EIF4G3: variants seen among roughly 807,000 people sequenced by gnomAD.
EIF4G3 encodes the protein eukaryotic translation initiation factor 4 gamma 3.
In EIF4G3, 34 loss-of-function variants were observed where a neutral mutation model predicts 186.4. That is an observed-to-expected ratio of 0.18 (90% CI 0.14 to 0.24). EIF4G3 has a LOEUF of 0.24. EIF4G3 is among the 10% of genes least tolerant of loss of function. The pLI is 1.00. For synonymous variants in EIF4G3, 673 were observed against 679.5 expected (o/e 0.99, Z 0.15); for missense variants, 1,536 against 1,948.5 (o/e 0.79, Z 3.99).
At chr1:20,942,407 TG>T in intron 13 of EIF4G3, 77 bp from the exon 14 acceptor site, 1 of 1,398,618 alleles carries the variant, frequency 7.1e-7, no homozygotes, top group Non-Finnish European at 9.6e-7. Context: ...ATTCTTTCAA[TG>T]TCTTACCCTA....
intron 2 of EIF4G3, among the ~76,000 whole-genome samples, chr1:21,154,166 C>T (rs1388318610): frequency 2.0e-5 from 3 of 152,124 alleles, no homozygotes; most frequent in Admixed American, 1.3e-4. Flanking sequence ...AATAAGATAA[C>T]GGAACATTCA....
chr1:20,906,393 TA>T (rs1389325340), intron 14 of EIF4G3, among the ~76,000 whole-genome samples: 14 of 152,220 alleles, frequency 9.2e-5, no homozygotes. Flanking sequence ...TGAATCTTTT[TA>T]GGAGTTATAG....
intron 2 of EIF4G3, among the ~76,000 whole-genome samples, chr1:21,162,776 C>T (rs2097787757): frequency 6.6e-6 from 1 of 152,082 alleles, no homozygotes; most frequent in Admixed American, 6.6e-5. Context: ...TAAAAAGATT[C>T]CTAATTGTCT....
intron 2 of EIF4G3, among the ~76,000 whole-genome samples, chr1:21,165,246 G>A (rs1190102047): frequency 6.6e-6 from 1 of 152,194 alleles, no homozygotes; most frequent in African/African-American, 2.4e-5. Context: ...ATAAAATGGT[G>A]TAACCACTTT....
At chr1:20,892,987 A>C (rs950548168) in intron 18 of EIF4G3, 1 of 393,884 alleles carries the variant, frequency 2.5e-6, no homozygotes, top group African/African-American at 2.1e-5. Context: ...GGCTCACTGT[A>C]GCCTGGACCT....
chr1:21,026,936 C>CAAA (rs146144076), intron 4 of EIF4G3, among the ~76,000 whole-genome samples: 3 of 88,218 alleles, frequency 3.4e-5, no homozygotes, highest in Non-Finnish European at 4.5e-5. Flanking sequence ...GACACTGTCT[C>CAAA]AAAAAAAAAA....
chr1:21,091,275 T>A (rs2096187357), intron 2 of EIF4G3, among the ~76,000 whole-genome samples: 1 of 152,004 alleles, frequency 6.6e-6, no homozygotes, highest in African/African-American at 2.4e-5. Flanking sequence ...CTCCTGTGAC[T>A]CAGCCTCCCA....
chr1:20,941,695 T>C lies in EIF4G3; in HGVS notation c.1459A>G (p.Ile487Val), dbSNP rs1208858643. ...ACAGTAGTGGCAGCAGCAGGAACAA[T>C]GACTGGAGTGTGAGGAGGAGAAGCT... ...PPASPPHTPV[I>V]VPAAATTVSS... Residue 487 changes from isoleucine (I) to valine (V), a missense_variant, in exon 14 of 37, where the codon ATT (isoleucine) becomes GTT (valine). This residue lies in a region of EIF4G3 where 560 missense variants were observed against 547.8 expected (regional missense o/e 1.02). Coordinates refer to ENST00000602326, the MANE Select transcript of EIF4G3 (RefSeq NM_001391906.1). The C allele has an allele frequency of 6.2e-7, 1 of 1,612,760 alleles. No homozygotes were observed. Among genetic ancestry groups the C allele is most frequent in the Non-Finnish European group, 8.5e-7 (1 of 1,179,514 alleles).
intron 2 of EIF4G3, among the ~76,000 whole-genome samples, chr1:21,166,657 G>A (rs2097860327): frequency 6.6e-6 from 1 of 152,158 alleles, no homozygotes; most frequent in Non-Finnish European, 1.5e-5. Flanking sequence ...AACCTAGGAG[G>A]CAGAAGTTGC....
In EIF4G3 at chr1:21,118,351, C is replaced by T. The variant is rs575360255; in HGVS notation, c.-271-29138G>A. ...ACTGAACCAACTAAAATGCAATTAACGAAAGAAACTGTCATAGTTTAATTA... is the reference window on the plus strand; with the variant it reads ...ACTGAACCAACTAAAATGCAATTAATGAAAGAAACTGTCATAGTTTAATTA... On this transcript the variant is annotated intron_variant, in intron 2 of 36. Coordinates refer to ENST00000602326, the MANE Select transcript of EIF4G3 (RefSeq NM_001391906.1). Among the ~76,000 whole-genome samples the T allele has an allele frequency of 5.9e-5, 9 of 152,196 alleles. No individual in the cohort carries two copies. The South Asian group carries it at 1.0e-3, about 18-fold the overall frequency.
At chr1:21,072,947 G>C (rs1572097613) in intron 3 of EIF4G3, among the ~76,000 whole-genome samples, 2 of 152,226 alleles carry the variant, frequency 1.3e-5, no homozygotes, top group Middle Eastern at 6.8e-3. Flanking sequence ...ACCTTCTTAA[G>C]AACCTTTGGA....
chr1:20,929,264 C>A (rs1328602756), intron 14 of EIF4G3: 1 of 152,140 alleles, frequency 6.6e-6, no homozygotes, highest in African/African-American at 2.4e-5. Flanking sequence ...TTACCATCCT[C>A]AACTCAACTA....
At chr1:21,068,004 C>T (rs560822776) in intron 3 of EIF4G3, among the ~76,000 whole-genome samples, 1 of 152,032 alleles carries the variant, frequency 6.6e-6, no homozygotes, top group Admixed American at 6.6e-5. Context: ...TAGATTCATA[C>T]CTTTCATCAG....
At chr1:21,133,059 T>C (rs1444520203) in intron 2 of EIF4G3, among the ~76,000 whole-genome samples, 2 of 151,858 alleles carry the variant, frequency 1.3e-5, no homozygotes, top group Non-Finnish European at 2.9e-5. Context: ...GCTGGGATTA[T>C]AGGTGTGAGC....
intron 4 of EIF4G3, among the ~76,000 whole-genome samples, chr1:21,008,138 C>T (rs929230575): frequency 6.6e-6 from 1 of 152,140 alleles, no homozygotes; most frequent in African/African-American, 2.4e-5. Flanking sequence ...GAGAACCTGT[C>T]TCAAACAAAC....
intron 21 of EIF4G3, 77 bp from the exon 22 acceptor site, chr1:20,864,789 C>G: frequency 8.2e-7 from 1 of 1,213,254 alleles, no homozygotes; most frequent in Non-Finnish European, 1.2e-6. Flanking sequence ...TTCATGGGGT[C>G]AGAATCCCCG....
intron 14 of EIF4G3, among the ~76,000 whole-genome samples, chr1:20,926,250 C>A (rs1041231075): frequency 6.6e-6 from 1 of 152,120 alleles, no homozygotes; most frequent in Non-Finnish European, 1.5e-5. Flanking sequence ...AACTATATAA[C>A]CTTCAGCAAG....
chr1:20,818,285 G>A (rs1252077678), intron 33 of EIF4G3, among the ~76,000 whole-genome samples: 1 of 152,058 alleles, frequency 6.6e-6, no homozygotes, highest in Non-Finnish European at 1.5e-5. Flanking sequence ...TGGCCATTTC[G>A]AATATAGGTG....
intron 27 of EIF4G3, 35 bp downstream of exon 27, chr1:20,853,525 C>G: frequency 6.9e-7 from 1 of 1,450,820 alleles, no homozygotes; most frequent in Admixed American, 1.7e-5. Context: ...GCAAGCGGGC[C>G]AGCCTTGAGT....
Sources: gnomAD v4.1 joint callset for allele counts (sites outside exome capture counted in the v4.1 genomes callset) on GRCh38, gnomAD v4.1.1 for gene constraint, gnomAD v4.1.1 regional missense constraint, MANE v1.5 for transcripts, NCBI Gene and HGNC (gene_info 2026-07-23, HGNC 2026-07-21) for gene names.